BMPR1A: variants seen among roughly 807,000 people sequenced by gnomAD.
BMPR1A encodes bone morphogenetic protein receptor type-1A.
A neutral mutation model predicts 66.0 loss-of-function variants in BMPR1A; 7 were observed. The ratio of observed to expected loss-of-function variants is 0.11; its 90% CI spans 0.06 to 0.20. The LOEUF is 0.20. BMPR1A is among the 10% of genes least tolerant of loss of function. The pLI is 1.00. For synonymous variants in BMPR1A, 200 were observed against 229.7 expected, an observed-to-expected ratio of 0.87 and a Z score of 1.17; for missense variants, 408 against 669.1, an observed-to-expected ratio of 0.61 and a Z score of 4.31.
At chr10:86,827,281 ATTC>A (rs1166347073) in intron 1 of BMPR1A, among the ~76,000 whole-genome samples, 1 of 151,694 alleles carries the variant, frequency 6.6e-6, no homozygotes, top group East Asian at 1.9e-4. Flanking sequence ...TTCTGTATAT[ATTC>A]TTCTTGGGCT....
intron 2 of BMPR1A, chr10:86,855,923 T>G (rs1413101220): frequency 1.5e-6 from 1 of 652,234 alleles, no homozygotes; most frequent in African/African-American, 1.8e-5. Context: ...ATTGTTGATA[T>G]CTGATGTTTT....
chr10:86,792,154 A>G (rs1672378591), intron 1 of BMPR1A, among the ~76,000 whole-genome samples: 2 of 142,854 alleles, frequency 1.4e-5, no homozygotes, highest in African/African-American at 5.3e-5. Flanking sequence ...TGCAACCTCC[A>G]ACTCCCTGGT....
chr10:86,884,704 C>T (rs1267625776), intron 3 of BMPR1A, among the ~76,000 whole-genome samples: 10 of 152,118 alleles, frequency 6.6e-5, no homozygotes, highest in Admixed American at 3.3e-4. Flanking sequence ...CGTGAGCCAC[C>T]GCGCCTGGCC....
At chr10:86,766,236 C>A (rs1841160652) in intron 1 of BMPR1A, among the ~76,000 whole-genome samples, 1 of 152,108 alleles carries the variant, frequency 6.6e-6, no homozygotes, top group Non-Finnish European at 1.5e-5. Flanking sequence ...AAGTGATCCT[C>A]CCACCTAGGC....
chr10:86,760,331 GCAA>G, intron 1 of BMPR1A, among the ~76,000 whole-genome samples: 1 of 131,460 alleles, frequency 7.6e-6, no homozygotes, highest in East Asian at 2.6e-4. Context: ...TCAGCTCATT[GCAA>G]CCTCTGCCTC....
intron 2 of BMPR1A, among the ~76,000 whole-genome samples, chr10:86,862,986 T>A (rs527414138): frequency 6.7e-6 from 1 of 148,178 alleles, no homozygotes; most frequent in Non-Finnish European, 1.5e-5. Context: ...GCCTTTTTTT[T>A]TTTTTCCCCC....
chr10:86,828,630 G>A (rs1360708029), intron 1 of BMPR1A, among the ~76,000 whole-genome samples: 1 of 152,116 alleles, frequency 6.6e-6, no homozygotes, highest in Non-Finnish European at 1.5e-5. Flanking sequence ...TGAACCCTTA[G>A]CAATCTAGAA....
rs545374646 is a variant in BMPR1A, at chr10:86,849,480, C to A, written c.-153+10501C>A. 4.6e-5 allele frequency among the ~76,000 whole-genome samples: 7 copies of A among 152,328 alleles called. No homozygotes were observed. The East Asian group carries it at 1.3e-3, about 29-fold the overall frequency. On this transcript the variant is annotated intron_variant, in intron 2 of 12. Transcript: ENST00000372037. The stretch of plus-strand genomic sequence containing the variant: ...TTCCCATGTCTTTGGATTTGAACTG[C>A]AGCTTCTGTGCTCTGTTACTAGTCA...
At chr10:86,855,118 A>C (rs1205382640) in intron 2 of BMPR1A, 1 of 301,272 alleles carries the variant, frequency 3.3e-6, no homozygotes, top group East Asian at 5.5e-5. Flanking sequence ...TTTTTAGTAG[A>C]GACAGGGTTT....
At chr10:86,900,545 T>G (rs181619318) in intron 7 of BMPR1A, among the ~76,000 whole-genome samples, 103 of 151,974 alleles carry the variant, frequency 6.8e-4, no homozygotes, top group Non-Finnish European at 1.1e-3. Context: ...CAGTCCCTAA[T>G]GGATATAAAC....
At chr10:86,855,203 G>A (rs537491763) in intron 2 of BMPR1A, 66 of 730,464 alleles carry the variant, frequency 9.0e-5, no homozygotes, top group Non-Finnish European at 1.2e-4. Flanking sequence ...CACACCCTGC[G>A]TCGCTAAGTT....
chr10:86,884,349 G>C (rs1478498972), intron 3 of BMPR1A, among the ~76,000 whole-genome samples: 2 of 144,198 alleles, frequency 1.4e-5, no homozygotes, highest in Admixed American at 1.4e-4. Flanking sequence ...ACCTCCGTAA[G>C]TGCTAGGATT....
chr10:86,918,477 CTCTT>C (rs967355340), intron 9 of BMPR1A, among the ~76,000 whole-genome samples: 7 of 152,174 alleles, frequency 4.6e-5, no homozygotes, highest in Non-Finnish European at 1.0e-4. Context: ...TAGGAGCTAA[CTCTT>C]AGTTGAACAT....
At chr10:86,824,067 A>G (rs1842157327) in intron 1 of BMPR1A, among the ~76,000 whole-genome samples, 1 of 85,738 alleles carries the variant, frequency 1.2e-5, no homozygotes, top group African/African-American at 4.0e-5. Context: ...GGCCCCTGGA[A>G]ATATTACCAA....
chr10:86,931,555 A>G (rs1047524790), downstream of BMPR1A: 1 of 151,732 alleles, frequency 6.6e-6, no homozygotes, highest in African/African-American at 2.4e-5. Flanking sequence ...CTGTCCTCAT[A>G]CTTGGCTAGG....
At chr10:86,805,337 G>A (rs1379426143) in intron 1 of BMPR1A, among the ~76,000 whole-genome samples, 1 of 143,230 alleles carries the variant, frequency 7.0e-6, no homozygotes, top group Non-Finnish European at 1.5e-5. Flanking sequence ...TCCCATATTT[G>A]CATTATAATT....
intron 1 of BMPR1A, among the ~76,000 whole-genome samples, chr10:86,763,513 T>A (rs889904318): frequency 6.6e-6 from 1 of 152,184 alleles, no homozygotes; most frequent in Non-Finnish European, 1.5e-5. Flanking sequence ...GCAGCACAGT[T>A]AGCTGCCGAA....
chr10:86,876,598 A>C (rs1842924381), intron 3 of BMPR1A, among the ~76,000 whole-genome samples: 2 of 152,178 alleles, frequency 1.3e-5, no homozygotes, highest in Non-Finnish European at 2.9e-5. Context: ...CCTGGGCAAC[A>C]TGGCAAAACC....
intron 1 of BMPR1A, among the ~76,000 whole-genome samples, chr10:86,819,031 C>A (rs182760995): frequency 6.6e-6 from 1 of 152,262 alleles, no homozygotes; most frequent in Non-Finnish European, 1.5e-5. Flanking sequence ...TGCGGTAATG[C>A]ATGTAAAGCA....
Sources: gnomAD v4.1 joint callset for allele counts (sites outside exome capture counted in the v4.1 genomes callset) on GRCh38, gnomAD v4.1.1 for gene constraint, MANE v1.5 for transcripts, NCBI Gene and HGNC (gene_info 2026-07-23, HGNC 2026-07-21) for gene names.